Variants in MYL9 observed in about 807,000 individuals in gnomAD.
MYL9 encodes myosin light chain 9, also known as myosin regulatory light polypeptide 9.
A neutral mutation model predicts 12.8 loss-of-function variants in MYL9; 7 were observed. That is an observed-to-expected ratio of 0.55 (90% CI 0.31 to 1.03). MYL9 has a LOEUF of 1.03. Among genes scored for constraint, MYL9 ranks in the 50% least tolerant of loss-of-function variants. The pLI is 0.05. For synonymous variants in MYL9, 81 were observed against 87.8 expected, an observed-to-expected ratio of 0.92 and a Z score of 0.43; for missense variants, 190 against 242.7, an observed-to-expected ratio of 0.78 and a Z score of 1.44.
chr20:36,548,124 A>G lies in MYL9; in HGVS notation c.277A>G (p.Lys93Glu), dbSNP rs2038123730. 1 of 1,613,788 alleles carries G rather than the reference A, an allele frequency of 6.2e-7. No individual in the cohort carries two copies. Among genetic ancestry groups the G allele is most frequent in the African/African-American group, 1.3e-5 (1 of 74,902 alleles). ...CATGTTCCTCACCATGTTTGGGGAG[A>G]AGCTGAACGGCACGGACCCCGAGGA... ...FTMFLTMFGE[K>E]LNGTDPEDVI... Residue 93 changes from lysine to glutamate, a missense_variant, in exon 3 of 4, where the codon AAG becomes GAG. Coordinates refer to ENST00000279022, the MANE Select transcript of MYL9 (RefSeq NM_006097.5).
Position 36,548,017 on chromosome 20 carries a change from C to T in MYL9, c.185-15C>T, listed in dbSNP as rs758223872. On this transcript the variant is annotated splice_polypyrimidine_tract_variant and intron_variant, in intron 2 of 3. Transcript: ENST00000279022. ...GGGCCCAGGACCACAGGCTGGAACA[C>T]CCCACCTGCCACAGGGAAGAACCCC... 6.3e-7 allele frequency: 1 copy of T among 1,594,692 alleles called. No homozygotes were observed. Among genetic ancestry groups the T allele is most frequent in the South Asian group, 1.1e-5 (1 of 88,608 alleles).
At chr20:36,542,019 T>C (rs1466245219) in intron 1 of MYL9, among the ~76,000 whole-genome samples, 1 of 152,080 alleles carries the variant, frequency 6.6e-6, no homozygotes, top group Non-Finnish European at 1.5e-5. Context: ...CCACAGCATC[T>C]GTGTCCCCTC....
intron 2 of MYL9, 102 bp from the exon 3 acceptor site, chr20:36,547,930 C>T: frequency 7.4e-7 from 1 of 1,357,422 alleles, no homozygotes; most frequent in Non-Finnish European, 9.9e-7. Context: ...TCCCGTCTCA[C>T]ACGGAGCGGT....
intron 1 of MYL9, among the ~76,000 whole-genome samples, chr20:36,544,266 C>T (rs1306617863): frequency 6.6e-6 from 1 of 152,150 alleles, no homozygotes; most frequent in East Asian, 1.9e-4. Flanking sequence ...GGGGGTTTGA[C>T]TGCCCAGAGC....
At chr20:36,542,556 A>G (rs1018772748) in intron 1 of MYL9, among the ~76,000 whole-genome samples, 6 of 151,754 alleles carry the variant, frequency 4.0e-5, no homozygotes, top group Non-Finnish European at 7.4e-5. Context: ...GCGCCTCTGG[A>G]TACACAGAGC....
chr20:36,546,324 G>C (rs1463822276), intron 2 of MYL9, among the ~76,000 whole-genome samples: 1 of 152,274 alleles, frequency 6.6e-6, no homozygotes, highest in South Asian at 2.1e-4. Flanking sequence ...CTGGGGGAGG[G>C]AGAGTCCAGG....
chr20:36,547,977 C>G (rs550756659), intron 2 of MYL9, 55 bp from the exon 3 acceptor site: 714 of 1,528,244 alleles, frequency 4.7e-4, no homozygotes, highest in Non-Finnish European at 5.9e-4. Flanking sequence ...GCAAGTTGTC[C>G]CAGCTGGGGA....
In MYL9 at chr20:36,548,948, C is replaced by G. The variant is rs116538957; in HGVS notation, c.347-129C>G. 4.1e-3 allele frequency: 3,996 copies of G among 977,266 alleles called. 91 individuals are homozygous for G. The African/African-American group carries it at 0.06, about 15-fold the overall frequency. 60.5% of individuals were successfully genotyped at this position (977,266 alleles called of 1,614,324 possible). ...GCCACGTCCTCATTCCTCAGACTGA[C>G]CAGAGACTAAGATTGTATCTTCCCA... On this transcript the variant is annotated intron_variant, in intron 3 of 3. Coordinates refer to ENST00000279022, the MANE Select transcript of MYL9 (RefSeq NM_006097.5).
Position 36,549,307 on chromosome 20 carries a change from CG to C in MYL9, c.*59del. The C allele has an allele frequency of 7.1e-7, 1 of 1,405,170 alleles. No homozygotes were observed. Among genetic ancestry groups the C allele is most frequent in the Non-Finnish European group, 9.7e-7 (1 of 1,030,222 alleles). The allele number at this position is 1,405,170 out of a possible 1,614,324, so 87.0% of individuals were successfully genotyped here. On this transcript the variant is annotated 3_prime_UTR_variant, in exon 4 of 4. Coordinates refer to ENST00000279022, the MANE Select transcript of MYL9 (RefSeq NM_006097.5). The stretch of plus-strand genomic sequence containing the variant: ...CCAGTCACCCCTCCCCGCACACACC[CG>C]TCCATACCAGCTCCCTGCCCATGAC...
At chr20:36,543,818 T>C (rs1454257489) in intron 1 of MYL9, among the ~76,000 whole-genome samples, 1 of 151,888 alleles carries the variant, frequency 6.6e-6, no homozygotes, top group African/African-American at 2.4e-5. Flanking sequence ...TCTCAAGAAC[T>C]GGGCTGGAGA....
At chr20:36,544,000 C>G (rs1342289317) in intron 1 of MYL9, among the ~76,000 whole-genome samples, 1 of 152,136 alleles carries the variant, frequency 6.6e-6, no homozygotes, top group Non-Finnish European at 1.5e-5. Flanking sequence ...GGGACCCAGA[C>G]TTGCTCTGAG....
intron 1 of MYL9, among the ~76,000 whole-genome samples, chr20:36,543,152 G>C (rs539228607): frequency 1.3e-4 from 20 of 152,334 alleles, no homozygotes; most frequent in Non-Finnish European, 2.6e-4. Context: ...CTCCCAACTA[G>C]GTCATGGGTG....
At position 36,549,276 on chromosome 20, in the gene MYL9, C is replaced by G; in HGVS notation, c.*27C>G. The G allele has an allele frequency of 2.0e-6, 3 of 1,524,962 alleles. No homozygotes were observed. The highest frequency in any genetic ancestry group is 1.6e-5 in the African/African-American group (1 of 64,114). The allele number at this position is 1,524,962 out of a possible 1,614,324, so 94.5% of individuals were successfully genotyped here. A position where few individuals can be genotyped will look rare whatever the true frequency, so the allele number is the denominator to read the frequency against. On this transcript the variant is annotated 3_prime_UTR_variant, in exon 4 of 4. Transcript: ENST00000279022. ...CCACCCCAGCCCCCTGACACCCCAG[C>G]CCCCGCCAGTCACCCCTCCCCGCAC... is the stretch of plus-strand genomic sequence containing the variant.
chr20:36,545,140 T>A, intron 2 of MYL9, 72 bp downstream of exon 2: 2 of 1,507,690 alleles, frequency 1.3e-6, no homozygotes, highest in Non-Finnish European at 1.8e-6. Context: ...ACAGGGCACC[T>A]CCTGTGTAGT....
intron 1 of MYL9, among the ~76,000 whole-genome samples, chr20:36,544,232 T>C (rs554604143): frequency 6.6e-6 from 1 of 152,192 alleles, no homozygotes; most frequent in East Asian, 1.9e-4. Flanking sequence ...GGGGGGCTGG[T>C]CAAGCTCCCT....
chr20:36,548,589 T>C (rs1040958712), intron 3 of MYL9, among the ~76,000 whole-genome samples: 1 of 152,208 alleles, frequency 6.6e-6, no homozygotes, highest in Non-Finnish European at 1.5e-5. Flanking sequence ...AACATGGCCA[T>C]GGGCCCGCAC....
At chr20:36,548,225 G>T in intron 3 of MYL9, 32 bp downstream of exon 3, 1 of 1,581,388 alleles carries the variant, frequency 6.3e-7, no homozygotes, top group South Asian at 1.2e-5. Context: ...CACTCTGCAT[G>T]CAAGTGGAAC....
Position 36,545,061 on chromosome 20 carries a change from C to T in MYL9, c.177C>T (p.Ala59=), listed in dbSNP as rs371692468. The part of the protein sequence containing the change: ...IDKEDLHDML[A]SLGKNPTDEY... Reference sequence around the variant, plus strand: ...AGGAGGACCTGCACGACATGCTGGCCTCGCTGGGTGAGCTGGGACAGGGAC... The same window carrying T: ...AGGAGGACCTGCACGACATGCTGGCTTCGCTGGGTGAGCTGGGACAGGGAC... The change falls in exon 2 of 4, where the codon GCC becomes GCT. Residue 59 remains alanine, a synonymous_variant. Coordinates refer to ENST00000279022, the MANE Select transcript of MYL9 (RefSeq NM_006097.5). 1.9e-6 allele frequency: 3 copies of T among 1,613,758 alleles called. No homozygotes were observed. In the African/African-American group the frequency reaches 4.0e-5, roughly 22 times the overall value.
At chr20:36,543,159 G>C (rs1025966363) in intron 1 of MYL9, among the ~76,000 whole-genome samples, 1 of 152,236 alleles carries the variant, frequency 6.6e-6, no homozygotes, top group Non-Finnish European at 1.5e-5. Flanking sequence ...CTAGGTCATG[G>C]GTGAGAAGGA....
Sources: gnomAD v4.1 joint callset for allele counts (sites outside exome capture counted in the v4.1 genomes callset) on GRCh38, gnomAD v4.1.1 for gene constraint, MANE v1.5 for transcripts, NCBI Gene and HGNC (gene_info 2026-07-23, HGNC 2026-07-21) for gene names.